C8orf34: variants seen among roughly 807,000 people sequenced by gnomAD.
C8orf34 encodes the protein uncharacterized protein C8orf34.
Under a neutral mutation model 68.3 loss-of-function variants are expected in C8orf34, and 65 were observed. The observed-to-expected ratio is 0.95, with a 90% CI of 0.78 to 1.17. The LOEUF is 1.17. Among genes scored for constraint, C8orf34 ranks in the 50% most tolerant of loss-of-function variants. C8orf34 has a pLI of 0.00. For synonymous variants in C8orf34, 244 were observed against 241.2 expected, an observed-to-expected ratio of 1.01 and a Z score of -0.11; for missense variants, 664 against 655.4, an observed-to-expected ratio of 1.01 and a Z score of -0.14.
At chr8:68,479,351 G>A (rs1221031968) in intron 4 of C8orf34, among the ~76,000 whole-genome samples, 1 of 151,730 alleles carries the variant, frequency 6.6e-6, no homozygotes. Flanking sequence ...CATCATTTTG[G>A]TCTGATTTCC....
At chr8:68,651,831 A>G (rs534810988) in intron 8 of C8orf34, among the ~76,000 whole-genome samples, 1 of 152,314 alleles carries the variant, frequency 6.6e-6, no homozygotes, top group South Asian at 2.1e-4. Flanking sequence ...TGAGTACACT[A>G]GAAGCCGAAA....
chr8:68,528,732 A>C lies in C8orf34; in HGVS notation c.939-4251A>C, dbSNP rs191797929. Among the ~76,000 whole-genome samples the C allele has an allele frequency of 2.6e-5, 4 of 152,262 alleles. No homozygotes were observed. In the East Asian group the frequency reaches 7.7e-4, roughly 29 times the overall value. On this transcript the variant is annotated intron_variant, in intron 6 of 13. Coordinates refer to ENST00000518698, the MANE Select transcript of C8orf34 (RefSeq NM_052958.4). The stretch of plus-strand genomic sequence containing the variant: ...GCCATTCACATATTCACTCTCCTCA[A>C]TGATGACTTCACATTTTTCCTGCTC...
chr8:68,410,682 T>A (rs983598580), intron 1 of C8orf34, among the ~76,000 whole-genome samples: 13 of 152,174 alleles, frequency 8.5e-5, no homozygotes, highest in African/African-American at 3.1e-4. Context: ...CCTGTCCTCA[T>A]CTTTCAGGAG....
At chr8:68,461,989 G>C (rs987367369) in intron 3 of C8orf34, among the ~76,000 whole-genome samples, 1 of 152,172 alleles carries the variant, frequency 6.6e-6, no homozygotes, top group African/African-American at 2.4e-5. Context: ...AAAAGACACA[G>C]ACTAGCAAAT....
At chr8:68,484,484 C>T (rs929233589) in intron 4 of C8orf34, among the ~76,000 whole-genome samples, 19 of 152,148 alleles carry the variant, frequency 1.2e-4, no homozygotes, top group Admixed American at 8.5e-4. Flanking sequence ...CTGGGCTTTT[C>T]TTTCTTCCAA....
chr8:68,720,082 A>C (rs1821627098), intron 9 of C8orf34, among the ~76,000 whole-genome samples: 1 of 152,038 alleles, frequency 6.6e-6, no homozygotes, highest in South Asian at 2.1e-4. Flanking sequence ...AATTCTCCTG[A>C]TTTTATCCAC....
At chr8:68,815,849 G>A (rs1415976705) in intron 12 of C8orf34, 37 bp from the exon 13 acceptor site, 1 of 1,613,282 alleles carries the variant, frequency 6.2e-7, no homozygotes, top group Admixed American at 1.7e-5. Flanking sequence ...GATTTTTCCT[G>A]GCCTGGCATA....
At position 68,725,785 on chromosome 8, in the gene C8orf34, C is replaced by T. The variant is rs576122535; in HGVS notation, c.1404+4348C>T. ...GTCTTTCATAGAACTTGTTGGGATCCGTACAATTGGTACTTATTTGCAAAT... is the reference window on the plus strand; with the variant it reads ...GTCTTTCATAGAACTTGTTGGGATCTGTACAATTGGTACTTATTTGCAAAT... On this transcript the variant is annotated intron_variant, in intron 10 of 13. Transcript: ENST00000518698. 3.4e-3 allele frequency among the ~76,000 whole-genome samples: 511 copies of T among 152,236 alleles called. 3 individuals are homozygous for T. The highest frequency in any genetic ancestry group is 0.011 in the African/African-American group (477 of 41,538).
At chr8:68,377,389 C>G (rs1272322376) in intron 1 of C8orf34, among the ~76,000 whole-genome samples, 1 of 134,292 alleles carries the variant, frequency 7.4e-6, no homozygotes, top group Non-Finnish European at 1.6e-5. Context: ...AAAGGGAGAC[C>G]CTGTCTCAAA....
chr8:68,814,966 G>A (rs756520827), intron 12 of C8orf34, among the ~76,000 whole-genome samples: 5 of 152,142 alleles, frequency 3.3e-5, no homozygotes, highest in African/African-American at 4.8e-5. Flanking sequence ...ATATTTCGAT[G>A]CTTCAAAAAT....
rs529661938 is a variant in C8orf34, at chr8:68,636,354, T to A, written c.1106-4022T>A. On this transcript the variant is annotated intron_variant, in intron 7 of 13. Coordinates refer to ENST00000518698, the MANE Select transcript of C8orf34 (RefSeq NM_052958.4). ...ACTTTGTGAGGGCAAGGTGGGCAGA[T>A]CACAAGGTCAGGAGATCGAGAACAT... is the stretch of plus-strand genomic sequence containing the variant. Among the ~76,000 whole-genome samples, 17 of 150,734 alleles carry A rather than the reference T, an allele frequency of 1.1e-4. No homozygotes were observed. The South Asian group carries it at 3.6e-3, about 32-fold the overall frequency.
At chr8:68,441,538 GT>G (rs1810911753) in intron 2 of C8orf34, among the ~76,000 whole-genome samples, 3 of 151,708 alleles carry the variant, frequency 2.0e-5, no homozygotes, top group Admixed American at 2.0e-4. Flanking sequence ...TAGCTCTATT[GT>G]CCAGGCTTCA....
intron 3 of C8orf34, among the ~76,000 whole-genome samples, chr8:68,461,529 G>T (rs1811825510): frequency 6.6e-6 from 1 of 152,114 alleles, no homozygotes; most frequent in Non-Finnish European, 1.5e-5. Flanking sequence ...AAATGTTAAG[G>T]GCAGCCAGAG....
At chr8:68,704,133 C>CAAAAG (rs1563619745) in intron 8 of C8orf34, among the ~76,000 whole-genome samples, 1 of 152,094 alleles carries the variant, frequency 6.6e-6, no homozygotes, top group African/African-American at 2.4e-5. Context: ...AAACAAAATC[C>CAAAAG]TTTCCTTTAA....
chr8:68,422,059 G>T (rs998753691), intron 1 of C8orf34, among the ~76,000 whole-genome samples: 1 of 152,132 alleles, frequency 6.6e-6, no homozygotes, highest in African/African-American at 2.4e-5. Context: ...GGATTATGGG[G>T]ATTACAATTC....
At chr8:68,486,839 T>C (rs928619081) in intron 4 of C8orf34, among the ~76,000 whole-genome samples, 1 of 152,154 alleles carries the variant, frequency 6.6e-6, no homozygotes, top group Non-Finnish European at 1.5e-5. Context: ...CAGCTTCAAT[T>C]CCTATTCTTA....
intron 4 of C8orf34, among the ~76,000 whole-genome samples, chr8:68,470,401 C>T (rs750060684): frequency 1.3e-5 from 2 of 152,074 alleles, no homozygotes; most frequent in Non-Finnish European, 2.9e-5. Context: ...ACCTGCCTTT[C>T]ACTTGTTATA....
intron 8 of C8orf34, among the ~76,000 whole-genome samples, chr8:68,703,303 A>G (rs868839413): frequency 6.6e-6 from 1 of 152,140 alleles, no homozygotes; most frequent in Admixed American, 6.6e-5. Context: ...ATTTACTAAT[A>G]TTTATAACAG....
Position 68,485,186 on chromosome 8 carries a change from A to T in C8orf34, c.737-2837A>T, listed in dbSNP as rs528268221. On this transcript the variant is annotated intron_variant, in intron 4 of 13. Coordinates refer to ENST00000518698, the MANE Select transcript of C8orf34 (RefSeq NM_052958.4). The stretch of plus-strand genomic sequence containing the variant: ...AATTGAGAGGAGGTAGCCCATGAGT[A>T]ATGTGCCAGTTCTGTGTGACACACA... Among the ~76,000 whole-genome samples, 4 of 152,338 alleles carry T rather than the reference A, an allele frequency of 2.6e-5. No homozygotes were observed. In the South Asian group the frequency reaches 8.3e-4, roughly 32 times the overall value.
Sources: allele counts gnomAD v4.1 joint callset (sites outside exome capture counted in the v4.1 genomes callset), GRCh38; gene constraint gnomAD v4.1.1; transcripts MANE v1.5; gene names NCBI Gene and HGNC (gene_info 2026-07-23, HGNC 2026-07-21).